MCF2L2: variants seen among roughly 807,000 people sequenced by gnomAD.
The protein encoded by MCF2L2 is MCF.2 cell line derived transforming sequence-like 2.
A neutral mutation model predicts 150.2 loss-of-function variants in MCF2L2; 102 were observed. The observed-to-expected ratio is 0.68, with a 90% confidence interval of 0.58 to 0.80. The LOEUF (loss-of-function observed/expected upper bound fraction) is 0.80. Among genes scored for constraint, MCF2L2 ranks in the 30% least tolerant of loss-of-function variants. The probability of loss-of-function intolerance (pLI) is 0.00; values close to 1 mark genes in which losing one functional copy is unlikely to be tolerated. For missense variants in MCF2L2, 1,256 were observed against 1,372.8 expected (o/e 0.91, Z 1.34); for synonymous variants, 465 against 491.3 (o/e 0.95, Z 0.71).
chr3:183,317,696 C>G (rs1729655719), intron 7 of MCF2L2, among the ~76,000 whole-genome samples: 1 of 152,204 alleles, frequency 6.6e-6, no homozygotes, highest in Admixed American at 6.5e-5. Flanking sequence ...TCAGCACGTT[C>G]TGTCTTGCTC....
chr3:183,400,982 C>T (rs1714722519), intron 1 of MCF2L2, among the ~76,000 whole-genome samples: 1 of 152,132 alleles, frequency 6.6e-6, no homozygotes, highest in Non-Finnish European at 1.5e-5. Context: ...TCTGAGCAGG[C>T]ACCTTAAATT....
intron 3 of MCF2L2, among the ~76,000 whole-genome samples, chr3:183,359,409 G>A (rs1193119957): frequency 1.3e-5 from 2 of 152,122 alleles, no homozygotes; most frequent in Non-Finnish European, 2.9e-5. Context: ...CACTCTGCAG[G>A]GAAACTGGAC....
intron 3 of MCF2L2, among the ~76,000 whole-genome samples, chr3:183,349,450 G>A (rs1348618435): frequency 1.3e-5 from 2 of 152,056 alleles, no homozygotes; most frequent in African/African-American, 4.8e-5. Flanking sequence ...TTGATTCATA[G>A]GTTATATAGA....
chr3:183,377,679 A>T (rs1051406530), intron 3 of MCF2L2: 2 of 152,184 alleles, frequency 1.3e-5, no homozygotes, highest in East Asian at 1.9e-4. Context: ...GTGGAAATTT[A>T]AAAAAAGACT....
chr3:183,213,982 G>A (rs535250299), intron 22 of MCF2L2, among the ~76,000 whole-genome samples: 41 of 152,306 alleles, frequency 2.7e-4, no homozygotes, highest in African/African-American at 8.2e-4. Flanking sequence ...TGCTTTTTGC[G>A]TGTAAAATCT....
chr3:183,327,982 T>C (rs776937439), intron 5 of MCF2L2, among the ~76,000 whole-genome samples: 5 of 152,192 alleles, frequency 3.3e-5, no homozygotes, highest in Non-Finnish European at 7.3e-5. Context: ...GAACTCTAGA[T>C]AGCCTCTGGA....
At chr3:183,327,959 T>C (rs1029560621) in intron 5 of MCF2L2, among the ~76,000 whole-genome samples, 1 of 152,180 alleles carries the variant, frequency 6.6e-6, no homozygotes, top group African/African-American at 2.4e-5. Flanking sequence ...ATGAATGCGG[T>C]GACTCAGGGT....
intron 11 of MCF2L2, chr3:183,298,538 G>A (rs1728655737): frequency 6.6e-6 from 1 of 152,088 alleles, no homozygotes; most frequent in Admixed American, 6.5e-5. Context: ...ATGTAGGGAT[G>A]GGGGATAGTG....
rs1275671672 is a variant in MCF2L2, at chr3:183,178,354, C to CA, written c.*1025dup. ...GCGTGGTGGCGGGCGCCTGTAGTCC[C>CA]AGCTACTCAGGAGGCTGAGGCAGGA... On this transcript the variant is annotated 3_prime_UTR_variant, in exon 30 of 30. Coordinates refer to ENST00000328913, the MANE Select transcript of MCF2L2 (RefSeq NM_015078.4). 6.6e-6 allele frequency: 1 copy of CA among 152,228 alleles called. No individual in the cohort carries two copies. The highest frequency in any genetic ancestry group is 1.5e-5 in the Non-Finnish European group (1 of 68,088). The allele number at this position is 152,228 out of a possible 1,614,324, so 9.4% of individuals were successfully genotyped here.
intron 2 of MCF2L2, among the ~76,000 whole-genome samples, chr3:183,384,856 G>A (rs564771424): frequency 1.3e-5 from 2 of 152,234 alleles, no homozygotes; most frequent in African/African-American, 4.8e-5. Flanking sequence ...TAGTTGTTGA[G>A]CCCACCCTTG....
intron 3 of MCF2L2, among the ~76,000 whole-genome samples, chr3:183,363,088 ACAAT>A (rs61335316): frequency 0.016 from 2,238 of 140,428 alleles, 50 homozygotes; most frequent in African/African-American, 0.062. Flanking sequence ...AATTAAAACA[ACAAT>A]GAGATACTAC....
Position 183,267,894 on chromosome 3 carries a change from C to T in MCF2L2, c.1862+8978G>A, listed in dbSNP as rs573604661. ...GAGTAAACAGTGGCTCCACCCCCGG[C>T]ATGGTTCTTTGCACCAACATTTGGG... On this transcript the variant is annotated intron_variant, in intron 15 of 29. Coordinates refer to ENST00000328913, the MANE Select transcript of MCF2L2 (RefSeq NM_015078.4). The surrounding 1 kb of genome is among the most constrained non-coding windows in gnomAD (Gnocchi z 5.5). Among the ~76,000 whole-genome samples the T allele has an allele frequency of 3.9e-5, 6 of 152,314 alleles. No homozygotes were observed. In the South Asian group the frequency reaches 1.2e-3, roughly 32 times the overall value.
intron 13 of MCF2L2, among the ~76,000 whole-genome samples, chr3:183,293,582 C>T (rs1230956634): frequency 2.0e-5 from 3 of 152,184 alleles, no homozygotes; most frequent in African/African-American, 7.2e-5. Context: ...TTCCCTCAAT[C>T]TGATAAAAGA....
chr3:183,380,429 T>A (rs1166841877), intron 2 of MCF2L2, among the ~76,000 whole-genome samples: 1 of 152,144 alleles, frequency 6.6e-6, no homozygotes, highest in African/African-American at 2.4e-5. Flanking sequence ...TGAGACAGAG[T>A]CTCGCACTGT....
chr3:183,214,097 C>T (rs1325664251), intron 22 of MCF2L2, among the ~76,000 whole-genome samples: 1 of 152,144 alleles, frequency 6.6e-6, no homozygotes, highest in African/African-American at 2.4e-5. Context: ...TTTCTCACAG[C>T]CTCCTCCTCC....
Position 183,193,024 on chromosome 3 carries a change from C to T in MCF2L2, c.2991G>A (p.Pro997=), listed in dbSNP as rs535533413. The T allele has an allele frequency of 4.3e-5, 70 of 1,614,098 alleles. No homozygotes were observed. Among genetic ancestry groups the T allele is most frequent in the East Asian group, 2.2e-4 (10 of 44,890 alleles). The part of the protein sequence containing the change: ...MERATTSKED[P]ASSTGGIKGC... ...CTTTAATCCCTCCTGTGCTGGAGGC[C>T]GGGTCTTCCTTGCTAGTGGTAGCTC... Residue 997 remains proline, a synonymous_variant, in exon 27 of 30, where the codon CCG becomes CCA. Coordinates refer to ENST00000328913, the MANE Select transcript of MCF2L2 (RefSeq NM_015078.4).
chr3:183,428,113 G>A lies in MCF2L2; in HGVS notation c.-136C>T, dbSNP rs1197672005. 5.8e-6 allele frequency: 4 copies of A among 692,084 alleles called. No homozygotes were observed. The highest frequency in any genetic ancestry group is 2.5e-6 in the Non-Finnish European group (1 of 392,772). 42.9% of individuals were successfully genotyped at this position (692,084 alleles called of 1,614,324 possible). Reference sequence around the variant, plus strand: ...CTTCCTGGCTCTCCAGGCAAGAAACGAGAGTCCCTCGCAGCCTAGGCCAGC... The same window carrying A: ...CTTCCTGGCTCTCCAGGCAAGAAACAAGAGTCCCTCGCAGCCTAGGCCAGC... On this transcript the variant is annotated 5_prime_UTR_variant, in exon 1 of 30. Transcript: ENST00000328913. This position sits in a 1 kb window ranked among gnomAD's most constrained non-coding sequence, Gnocchi z 5.1.
At chr3:183,418,672 G>A (rs1238222499) in intron 1 of MCF2L2, among the ~76,000 whole-genome samples, 2 of 152,230 alleles carry the variant, frequency 1.3e-5, no homozygotes, top group Admixed American at 1.3e-4. Flanking sequence ...CAATAGGACA[G>A]TCATTAAATA....
At chr3:183,295,740 C>T (rs1728465624) in intron 12 of MCF2L2, among the ~76,000 whole-genome samples, 1 of 152,008 alleles carries the variant, frequency 6.6e-6, no homozygotes, top group Admixed American at 6.6e-5. Context: ...CCTGGAACAC[C>T]CTGGCACAGG....
Sources: gnomAD v4.1 joint callset for allele counts (sites outside exome capture counted in the v4.1 genomes callset) on GRCh38, gnomAD v4.1.1 for gene constraint, Gnocchi (gnomAD v3.1) non-coding constraint, MANE v1.5 for transcripts, NCBI Gene and HGNC (gene_info 2026-07-23, HGNC 2026-07-21) for gene names.